Variants in ERBB2 observed in about 807,000 individuals in gnomAD.
ERBB2 encodes erb-b2 receptor tyrosine kinase 2, also known as receptor tyrosine-protein kinase erbB-2.
In ERBB2, 61 loss-of-function variants were observed where a neutral mutation model predicts 149.0. That is an observed-to-expected ratio of 0.41 (90% CI 0.33 to 0.51). The LOEUF (loss-of-function observed/expected upper bound fraction) is 0.51. Among genes scored for constraint, ERBB2 ranks in the 20% least tolerant of loss-of-function variants. ERBB2 has a pLI of 0.25. For missense variants in ERBB2, 1,205 were observed against 1,655.1 expected (o/e 0.73, Z 4.72); for synonymous variants, 633 against 678.8 (o/e 0.93, Z 1.05).
chr17:39,697,616 A>G (rs1056987827), upstream of ERBB2, among the ~76,000 whole-genome samples: 2 of 152,076 alleles, frequency 1.3e-5, no homozygotes, highest in African/African-American at 4.8e-5. Context: ...TTGGCCTCCC[A>G]AAGTGCTGCA....
chr17:39,692,540 G>A (rs892763360), upstream of ERBB2, among the ~76,000 whole-genome samples: 2 of 151,766 alleles, frequency 1.3e-5, no homozygotes, highest in Non-Finnish European at 2.9e-5. Context: ...TGAGTAGCTG[G>A]GATTATAGGC....
At chr17:39,699,501 C>A, upstream of ERBB2, 2 of 1,506,644 alleles carry the variant, frequency 1.3e-6, no homozygotes, top group South Asian at 1.3e-5. Flanking sequence ...TGTCTCCTCC[C>A]AAATTTGTAG....
chr17:39,723,756 A>G lies in ERBB2; in HGVS notation c.2208+96A>G. 2 of 1,535,964 alleles carry G rather than the reference A, an allele frequency of 1.3e-6. No individual in the cohort carries two copies. Among genetic ancestry groups the G allele is most frequent in the Non-Finnish European group, 1.8e-6 (2 of 1,134,566 alleles). On this transcript the variant is annotated intron_variant, in intron 18 of 26. Transcript: ENST00000269571. This position sits in a 1 kb window ranked among gnomAD's most constrained non-coding sequence, Gnocchi z 6.2. ...TTCTGATGGGAGGGGCAAGAGCTGGAGGCAGTGTTTGGGGGAGGGCAGTTA... is the reference window on the plus strand; with the variant it reads ...TTCTGATGGGAGGGGCAAGAGCTGGGGGCAGTGTTTGGGGGAGGGCAGTTA...
chr17:39,707,219 A>C (rs2145415589), intron 2 of ERBB2, 78 bp downstream of exon 2: 1 of 1,287,482 alleles, frequency 7.8e-7, no homozygotes, highest in Non-Finnish European at 1.0e-6. Flanking sequence ...GTGGCAGAAG[A>C]AGGTGCCCTG....
rs200559027 is a variant in ERBB2, at chr17:39,726,788, A to G, written c.2971-27A>G. ...CTGCATGCTGGGCTGGGGAGGGGCCACCATCCTGCCTCTCCTTCCTCCACA... is the reference window on the plus strand; with the variant it reads ...CTGCATGCTGGGCTGGGGAGGGGCCGCCATCCTGCCTCTCCTTCCTCCACA... On this transcript the variant is annotated intron_variant, in intron 24 of 26. Transcript: ENST00000269571. The surrounding 1 kb of genome is among the most constrained non-coding windows in gnomAD (Gnocchi z 5.1). 253 of 1,604,902 alleles carry G rather than the reference A, an allele frequency of 1.6e-4. No individual in the cohort carries two copies. The African/African-American group carries it at 3.0e-3, about 19-fold the overall frequency.
In ERBB2 at chr17:39,727,778, G is replaced by A. The variant is rs1423726828; in HGVS notation, c.3502G>A (p.Glu1168Lys). 8.7e-6 allele frequency: 14 copies of A among 1,610,248 alleles called. No homozygotes were observed. Among genetic ancestry groups the A allele is most frequent in the South Asian group, 6.6e-5 (6 of 90,886 alleles). The change falls in exon 27 of 27, where the codon GAA becomes AAA. Residue 1168 changes from glutamate to lysine, a missense_variant. Glu to Lys is a moderately conservative substitution (Grantham distance 56). This residue lies in a region of ERBB2 where 312 missense variants were observed against 343.8 expected (regional missense o/e 0.91). Coordinates refer to ENST00000269571, the MANE Select transcript of ERBB2 (RefSeq NM_004448.4). The surrounding 1 kb of genome is among the most constrained non-coding windows in gnomAD (Gnocchi z 4.3). Reference sequence around the variant, plus strand: ...TGCCCGACCTGCTGGTGCCACTCTGGAAAGGCCCAAGACTCTCTCCCCAGG... The same window carrying A: ...TGCCCGACCTGCTGGTGCCACTCTGAAAAGGCCCAAGACTCTCTCCCCAGG... Reference protein sequence around the residue: ...PAARPAGATLERPKTLSPGKN... With the variant: ...PAARPAGATLKRPKTLSPGKN...
chr17:39,689,469 T>C (rs2057643150), intron 2 of ERBB2, among the ~76,000 whole-genome samples: 1 of 152,146 alleles, frequency 6.6e-6, no homozygotes, highest in Admixed American at 6.5e-5. Context: ...TTTACAATAC[T>C]GTTTTTTTTT....
Position 39,723,813 on chromosome 17 carries a change from GGT to G in ERBB2, c.2209-97_2209-96del. 5 of 1,488,440 alleles carry G rather than the reference GGT, an allele frequency of 3.4e-6. No individual in the cohort carries two copies. In the South Asian group the frequency reaches 5.9e-5, roughly 18 times the overall value. The allele number at this position is 1,488,440 out of a possible 1,614,324, so 92.2% of individuals were successfully genotyped here. A position where few individuals can be genotyped will look rare whatever the true frequency, so the allele number is the denominator to read the frequency against. On this transcript the variant is annotated intron_variant, in intron 18 of 26. Transcript: ENST00000269571. This position sits in a 1 kb window ranked among gnomAD's most constrained non-coding sequence, Gnocchi z 6.2. ...AGAAGGGAGCGGGGCCAAGCCCTAG[GGT>G]GGTGAAGGATGTTTGGAGGACAAGT... is the stretch of plus-strand genomic sequence containing the variant.
intron 7 of ERBB2, 150 bp from the exon 8 acceptor site, chr17:39,711,778 T>G: frequency 1.1e-6 from 1 of 882,386 alleles, no homozygotes; most frequent in Non-Finnish European, 1.8e-6. Flanking sequence ...CTGGTTGTTG[T>G]GAGGGGTAAA....
chr17:39,724,130 T>A, intron 19 of ERBB2, 120 bp downstream of exon 19: 1 of 676,442 alleles, frequency 1.5e-6, no homozygotes, highest in East Asian at 2.8e-5. Context: ...CCTAGACTAT[T>A]TTTTTGGAGA....
rs181644299 is a variant in ERBB2 at position 39,720,534 on chromosome 17, T to C, written c.1946+700T>C. ...CGATCATCGGTCCGTGAAATGAGCATGTGTTACAGGCTTGGTATGTACCAG... is the reference window on the plus strand; with the variant it reads ...CGATCATCGGTCCGTGAAATGAGCACGTGTTACAGGCTTGGTATGTACCAG... On this transcript the variant is annotated intron_variant, in intron 16 of 26. Transcript: ENST00000269571. Among the ~76,000 whole-genome samples, 6 of 152,290 alleles carry C rather than the reference T, an allele frequency of 3.9e-5. No individual in the cohort carries two copies. The East Asian group carries it at 7.7e-4, about 20-fold the overall frequency.
upstream of ERBB2, chr17:39,699,460 T>C (rs1567891588): frequency 1.0e-6 from 1 of 965,442 alleles, no homozygotes; most frequent in East Asian, 3.5e-5. Flanking sequence ...AAAGTTCGTT[T>C]AAAAAAAAAA....
chr17:39,724,653 G>T (rs2059646699), intron 19 of ERBB2, 73 bp from the exon 20 acceptor site: 5 of 1,395,566 alleles, frequency 3.6e-6, no homozygotes, highest in Non-Finnish European at 5.0e-6. Flanking sequence ...TGTGGTTTGT[G>T]ATGGTTGGGA....
chr17:39,716,487 A>T (rs777258715), intron 13 of ERBB2, 28 bp from the exon 14 acceptor site: 5 of 1,613,324 alleles, frequency 3.1e-6, no homozygotes, highest in Admixed American at 1.7e-5. Flanking sequence ...CTCCTCTCAG[A>T]CCCCCTCACC....
At chr17:39,704,039 C>A (rs1327156603) in intron 1 of ERBB2, among the ~76,000 whole-genome samples, 1 of 152,192 alleles carries the variant, frequency 6.6e-6, no homozygotes, top group East Asian at 1.9e-4. Flanking sequence ...AGGACTGTGA[C>A]CAGCTCTGAG....
At chr17:39,691,574 TACACACACAC>T (rs1173386743), upstream of ERBB2, among the ~76,000 whole-genome samples, 3 of 122,050 alleles carry the variant, frequency 2.5e-5, no homozygotes, top group Admixed American at 8.2e-5. Context: ...TATATATATA[TACACACACAC>T]ACACACACAC....
At chr17:39,701,617 A>T (rs1292756501) in intron 1 of ERBB2, among the ~76,000 whole-genome samples, 3 of 152,078 alleles carry the variant, frequency 2.0e-5, no homozygotes, top group Admixed American at 2.0e-4. Context: ...TGGCCGTGTT[A>T]TCTCTGCAGG....
chr17:39,712,297 T>G (rs2145573778), intron 8 of ERBB2, 25 bp from the exon 9 acceptor site: 2 of 1,610,844 alleles, frequency 1.2e-6, no homozygotes, highest in Non-Finnish European at 1.7e-6. Flanking sequence ...GACGGCCCCT[T>G]CCCCACCCAC....
At chr17:39,706,026 G>A (rs2145379202) in intron 1 of ERBB2, among the ~76,000 whole-genome samples, 1 of 152,330 alleles carries the variant, frequency 6.6e-6, no homozygotes, top group Admixed American at 6.5e-5. Flanking sequence ...CCTGGTGTGA[G>A]CTGCTACCCC....
Sources: gnomAD v4.1 joint callset for allele counts (sites outside exome capture counted in the v4.1 genomes callset) on GRCh38, gnomAD v4.1.1 for gene constraint, gnomAD v4.1.1 regional missense constraint, Gnocchi (gnomAD v3.1) non-coding constraint, MANE v1.5 for transcripts, NCBI Gene and HGNC (gene_info 2026-07-23, HGNC 2026-07-21) for gene names.